RARB: variants seen among roughly 807,000 people sequenced by gnomAD.
The protein encoded by RARB is retinoic acid receptor beta, also known as HBV-activated protein.
RARB carries 17 observed loss-of-function variants against 51.9 expected under a neutral mutation model. The observed-to-expected ratio is 0.33, with a 90% CI of 0.22 to 0.49. RARB has a LOEUF of 0.49. Among genes scored for constraint, RARB ranks in the 20% least tolerant of loss-of-function variants. The pLI is 0.99. For synonymous variants in RARB, 215 were observed against 195.4 expected (o/e 1.10, Z -0.84); for missense variants, 369 against 550.8 (o/e 0.67, Z 3.30).
chr3:24,959,144 G>A (rs1407213323), intron 2 of RARB, among the ~76,000 whole-genome samples: 1 of 152,236 alleles, frequency 6.6e-6, no homozygotes, highest in Non-Finnish European at 1.5e-5. Flanking sequence ...AAACAGCTGA[G>A]TGGGCCCTCT....
At chr3:25,487,609 ATAAAAAT>A (rs1696535245) in intron 2 of RARB, among the ~76,000 whole-genome samples, 1 of 152,204 alleles carries the variant, frequency 6.6e-6, no homozygotes. Flanking sequence ...CTTTGAGCGG[ATAAAAAT>A]TAAAAATTAA....
chr3:24,851,544 G>A (rs766745872), intron 1 of RARB, among the ~76,000 whole-genome samples: 22 of 152,100 alleles, frequency 1.4e-4, no homozygotes, highest in Non-Finnish European at 3.1e-4. Context: ...TATCCCTAAT[G>A]CAATACATGC....
chr3:24,918,896 TAA>T (rs2125385358), intron 2 of RARB, among the ~76,000 whole-genome samples: 1 of 151,544 alleles, frequency 6.6e-6, no homozygotes, highest in African/African-American at 2.4e-5. Flanking sequence ...AAAAAATAAA[TAA>T]AATTAAATTA....
At chr3:25,269,082 T>C (rs927306141) in intron 5 of RARB, among the ~76,000 whole-genome samples, 5 of 152,188 alleles carry the variant, frequency 3.3e-5, no homozygotes, top group Admixed American at 1.3e-4. Flanking sequence ...ACCTTATCTT[T>C]TACCCTCCAA....
chr3:24,903,372 C>G (rs935008988), intron 2 of RARB, among the ~76,000 whole-genome samples: 5 of 151,992 alleles, frequency 3.3e-5, no homozygotes, highest in African/African-American at 1.2e-4. Context: ...GATGAGTTGT[C>G]CATTTATTTG....
At chr3:24,967,324 C>G (rs1444980800) in intron 2 of RARB, among the ~76,000 whole-genome samples, 1 of 152,070 alleles carries the variant, frequency 6.6e-6, no homozygotes, top group Non-Finnish European at 1.5e-5. Flanking sequence ...GGAGTAGAAG[C>G]CAGATTATCT....
intron 5 of RARB, among the ~76,000 whole-genome samples, chr3:25,257,738 CAA>C (rs1702900988): frequency 6.6e-6 from 1 of 152,036 alleles, no homozygotes; most frequent in Non-Finnish European, 1.5e-5. Flanking sequence ...CTTTTCCACT[CAA>C]CTTCTCTTCA....
At chr3:24,929,166 T>C (rs1044685995) in intron 2 of RARB, among the ~76,000 whole-genome samples, 5 of 152,058 alleles carry the variant, frequency 3.3e-5, no homozygotes, top group Non-Finnish European at 7.4e-5. Context: ...AGTAAACAAA[T>C]GTATAAAGGG....
chr3:24,860,664 C>G (rs1406244192), intron 2 of RARB, among the ~76,000 whole-genome samples: 1 of 152,132 alleles, frequency 6.6e-6, no homozygotes, highest in East Asian at 1.9e-4. Flanking sequence ...TGCATGCAGT[C>G]TTTAAATTTC....
intron 2 of RARB, among the ~76,000 whole-genome samples, chr3:25,010,972 G>A (rs1388259014): frequency 6.6e-6 from 1 of 151,956 alleles, no homozygotes; most frequent in Non-Finnish European, 1.5e-5. Context: ...TCACATCCCT[G>A]CAATGCTCAG....
chr3:25,276,596 A>G (rs1703387889), intron 5 of RARB, among the ~76,000 whole-genome samples: 1 of 152,236 alleles, frequency 6.6e-6, no homozygotes, highest in African/African-American at 2.4e-5. Flanking sequence ...TGTGACTTGT[A>G]AAAGTTTTGA....
At chr3:25,353,896 G>A (rs1171919496) in intron 5 of RARB, among the ~76,000 whole-genome samples, 2 of 152,070 alleles carry the variant, frequency 1.3e-5, no homozygotes, top group Non-Finnish European at 2.9e-5. Flanking sequence ...TGCTTTCTAA[G>A]GAGAGAGAAC....
At chr3:25,492,175 C>T (rs1004193460) in intron 2 of RARB, among the ~76,000 whole-genome samples, 1 of 152,158 alleles carries the variant, frequency 6.6e-6, no homozygotes, top group African/African-American at 2.4e-5. Flanking sequence ...ACCTGGTGGA[C>T]TTGTTGCCTA....
chr3:24,879,324 G>C (rs1703110215), intron 2 of RARB, among the ~76,000 whole-genome samples: 1 of 152,052 alleles, frequency 6.6e-6, no homozygotes, highest in Non-Finnish European at 1.5e-5. Flanking sequence ...AGCTACTCGG[G>C]AGGCTGAGGC....
chr3:25,514,027 G>T (rs892444160), intron 3 of RARB, among the ~76,000 whole-genome samples: 2 of 152,206 alleles, frequency 1.3e-5, no homozygotes, highest in African/African-American at 4.8e-5. Flanking sequence ...AAAATAGCTG[G>T]CAGAGAGCCC....
chr3:24,957,290 A>C (rs1696037951), intron 2 of RARB, among the ~76,000 whole-genome samples: 1 of 152,218 alleles, frequency 6.6e-6, no homozygotes, highest in South Asian at 2.1e-4. Flanking sequence ...TGAGACCTAG[A>C]ATGACCCCCA....
At chr3:25,081,968 A>G (rs1243912387) in intron 3 of RARB, among the ~76,000 whole-genome samples, 5 of 151,902 alleles carry the variant, frequency 3.3e-5, no homozygotes, top group African/African-American at 1.2e-4. Context: ...TATTAGGTGT[A>G]TATACATTTA....
chr3:25,005,152 C>T (rs1429685465), intron 2 of RARB, among the ~76,000 whole-genome samples: 1 of 152,122 alleles, frequency 6.6e-6, no homozygotes, highest in Non-Finnish European at 1.5e-5. Flanking sequence ...CTGTTGCTAC[C>T]AGTTAGTCCA....
chr3:24,917,934 C>G (rs188316950), intron 2 of RARB, among the ~76,000 whole-genome samples: 22 of 152,136 alleles, frequency 1.4e-4, no homozygotes, highest in Non-Finnish European at 7.3e-5. Flanking sequence ...AATCTGGAAC[C>G]CTCATACATT....
Sources: allele counts gnomAD v4.1 joint callset (sites outside exome capture counted in the v4.1 genomes callset), GRCh38; gene constraint gnomAD v4.1.1; transcripts MANE v1.5; gene names NCBI Gene and HGNC (gene_info 2026-07-23, HGNC 2026-07-21).